PLCE1: variants seen among roughly 807,000 people sequenced by gnomAD.
PLCE1 encodes the protein 1-phosphatidylinositol 4,5-bisphosphate phosphodiesterase epsilon-1.
Under a neutral mutation model 242.8 loss-of-function variants are expected in PLCE1, and 119 were observed. The observed-to-expected ratio is 0.49, with a 90% confidence interval of 0.42 to 0.57. The LOEUF (loss-of-function observed/expected upper bound fraction) is 0.57, where lower values mean the gene tolerates loss of function less well. Ranked by LOEUF, PLCE1 falls within the 20% of genes least tolerant of loss-of-function variation. PLCE1 has a pLI of 0.00. For missense variants in PLCE1, 2,441 were observed against 2,788.8 expected, an observed-to-expected ratio of 0.88 and a Z score of 2.81; for synonymous variants, 945 against 1,017.4, an observed-to-expected ratio of 0.93 and a Z score of 1.35.
chr10:94,314,463 G>A (rs1564888797), intron 28 of PLCE1, among the ~76,000 whole-genome samples: 1 of 152,174 alleles, frequency 6.6e-6, no homozygotes, highest in Middle Eastern at 3.4e-3. Context: ...GTGTGGTGGC[G>A]CACATCTGTA....
At chr10:94,028,266 T>C (rs2061490134) in intron 1 of PLCE1, among the ~76,000 whole-genome samples, 1 of 152,290 alleles carries the variant, frequency 6.6e-6, no homozygotes, top group East Asian at 1.9e-4. Flanking sequence ...AGTCAAGATA[T>C]AGGTTGCAGA....
chr10:94,246,162 C>T lies in PLCE1; in HGVS notation c.2637C>T (p.Arg879=). The T allele has an allele frequency of 1.2e-6, 2 of 1,614,158 alleles. No individual in the cohort carries two copies. Among genetic ancestry groups the T allele is most frequent in the Non-Finnish European group, 1.7e-6 (2 of 1,180,014 alleles). ...HYDQDTHLSA[R]CFLQLQPDNS... ...ACCAGGACACACACCTCTCTGCCCG[C>T]TGCTTCCTCCAGCTTCAGCCCGACA... is the stretch of plus-strand genomic sequence containing the variant. The change falls in exon 8 of 33, where the codon CGC becomes CGT. Residue 879 remains arginine (R), a synonymous_variant. Transcript: ENST00000371380.
chr10:94,204,285 G>A (rs2049073142), intron 4 of PLCE1, among the ~76,000 whole-genome samples: 2 of 152,104 alleles, frequency 1.3e-5, no homozygotes, highest in Admixed American at 6.5e-5. Flanking sequence ...TAAAAGAAGA[G>A]GAAGGAGAGA....
chr10:94,252,610 A>ACCC, intron 9 of PLCE1, 112 bp downstream of exon 9: 2 of 900,408 alleles, frequency 2.2e-6, no homozygotes, highest in South Asian at 2.9e-5. Flanking sequence ...AGTCAGGTAT[A>ACCC]AAATAGAAGA....
Position 94,262,476 on chromosome 10 carries a change from G to A in PLCE1, c.3815-18G>A. On this transcript the variant is annotated intron_variant, in intron 13 of 32. Transcript: ENST00000371380. Reference sequence around the variant, plus strand: ...ATGCTGGCTATCTTGTCCATGTACTGTGGTGATTCTGTTTCAGATCTGTTG... The same window carrying A: ...ATGCTGGCTATCTTGTCCATGTACTATGGTGATTCTGTTTCAGATCTGTTG... 1 of 1,511,956 alleles carries A rather than the reference G, an allele frequency of 6.6e-7. No individual in the cohort carries two copies. The highest frequency in any genetic ancestry group is 9.2e-7 in the Non-Finnish European group (1 of 1,087,156). The allele number at this position is 1,511,956 out of a possible 1,614,324, so 93.7% of individuals were successfully genotyped here.
At chr10:94,264,769 C>G (rs1355201035) in intron 14 of PLCE1, among the ~76,000 whole-genome samples, 1 of 152,016 alleles carries the variant, frequency 6.6e-6, no homozygotes, top group Non-Finnish European at 1.5e-5. Flanking sequence ...ATCCACCCAC[C>G]TCAGCCTCCC....
At chr10:94,232,633 T>A (rs1182414138) in intron 5 of PLCE1, among the ~76,000 whole-genome samples, 1 of 152,166 alleles carries the variant, frequency 6.6e-6, no homozygotes, top group East Asian at 1.9e-4. Context: ...AAATGCAGTG[T>A]ACCCTCTGGT....
chr10:94,284,878 T>A lies in PLCE1; in HGVS notation c.4948T>A (p.Tyr1650Asn). 6.2e-7 allele frequency: 1 copy of A among 1,609,194 alleles called. No individual in the cohort carries two copies. The highest frequency in any genetic ancestry group is 8.5e-7 in the Non-Finnish European group (1 of 1,175,600). The change falls in exon 22 of 33, where the codon TAT (tyrosine) becomes AAT (asparagine). Residue 1650 changes from tyrosine (Y) to asparagine (N), a missense_variant. Physicochemically the swap from Tyr to Asn is moderately radical, Grantham distance 143 (BLOSUM62 -2). This residue lies in a region of PLCE1 where 1,004 missense variants were observed against 1,322.7 expected (regional missense o/e 0.76). Coordinates refer to ENST00000371380, the MANE Select transcript of PLCE1 (RefSeq NM_016341.4). Reference sequence around the variant, plus strand: ...TGATATGGAACTGGGAGAAGAATTTTATCTTGATCAGAATAAAAAGGAAAG... The same window carrying A: ...TGATATGGAACTGGGAGAAGAATTTAATCTTGATCAGAATAAAAAGGAAAG... Reference protein sequence around the residue: ...VYDMELGEEFYLDQNKKESRQ... With the variant: ...VYDMELGEEFNLDQNKKESRQ...
intron 27 of PLCE1, among the ~76,000 whole-genome samples, chr10:94,309,824 CAGG>C (rs1383807952): frequency 1.3e-5 from 2 of 152,056 alleles, no homozygotes; most frequent in African/African-American, 4.8e-5. Context: ...AGCTTGAGTC[CAGG>C]AGTTCAAGAT....
chr10:94,170,826 A>G (rs1474611529), intron 3 of PLCE1, among the ~76,000 whole-genome samples: 5 of 152,150 alleles, frequency 3.3e-5, no homozygotes, highest in African/African-American at 1.2e-4. Context: ...CCCTCATTTC[A>G]TGTCATTCTG....
In PLCE1 at chr10:94,254,195, G is replaced by C; in HGVS notation, c.3285G>C (p.Glu1095Asp). The C allele has an allele frequency of 6.2e-7, 1 of 1,610,470 alleles. No homozygotes were observed. Among genetic ancestry groups the C allele is most frequent in the Non-Finnish European group, 8.5e-7 (1 of 1,176,676 alleles). Residue 1095 changes from glutamate (E) to aspartate (D), a missense_variant, in exon 10 of 33, where the codon GAG becomes GAC. By Grantham distance (45) the Glu-to-Asp change is conservative. Coordinates refer to ENST00000371380, the MANE Select transcript of PLCE1 (RefSeq NM_016341.4). ...KKKKKILMRG[E>D]SGEVTDDEMA... is the part of the protein sequence containing the mutation. ...CGTGAGCTTTGTGTTCCCAGGGTGA[G>C]AGTGGAGAGGTAACTGACGATGAGA...
In PLCE1 at chr10:94,135,430, T is replaced by C. The variant is rs1380920952; in HGVS notation, c.1492+2971T>C. Among the ~76,000 whole-genome samples, 3 of 152,274 alleles carry C rather than the reference T, an allele frequency of 2.0e-5. No homozygotes were observed. The East Asian group carries it at 5.8e-4, about 29-fold the overall frequency. ...CTGTGATGTGGTTGTGAGCTTTTTTTTCTTCTTTAGTATGTGTCCTGTGGC... is the reference window on the plus strand; with the variant it reads ...CTGTGATGTGGTTGTGAGCTTTTTTCTCTTCTTTAGTATGTGTCCTGTGGC... On this transcript the variant is annotated intron_variant, in intron 3 of 32. Coordinates refer to ENST00000371380, the MANE Select transcript of PLCE1 (RefSeq NM_016341.4).
At chr10:94,053,347 T>C (rs1166699613) in intron 2 of PLCE1, among the ~76,000 whole-genome samples, 1 of 152,252 alleles carries the variant, frequency 6.6e-6, no homozygotes, top group African/African-American at 2.4e-5. Context: ...GTCATTATGA[T>C]CTCTGTGACT....
intron 5 of PLCE1, among the ~76,000 whole-genome samples, chr10:94,229,129 C>T (rs190891675): frequency 3.0e-3 from 451 of 150,600 alleles, no homozygotes; most frequent in Non-Finnish European, 5.2e-3. Context: ...TGCAGTGAGC[C>T]GAGATCATGC....
chr10:94,245,857 GA>G, intron 7 of PLCE1, 88 bp from the exon 8 acceptor site: 1 of 1,015,376 alleles, frequency 9.8e-7, no homozygotes, highest in Admixed American at 1.7e-5. Flanking sequence ...ATAGTGCGAT[GA>G]AAAATAAAGC....
At chr10:94,042,647 A>G (rs2134653611) in intron 2 of PLCE1, among the ~76,000 whole-genome samples, 1 of 152,144 alleles carries the variant, frequency 6.6e-6, no homozygotes, top group Admixed American at 6.5e-5. Flanking sequence ...GAAATGGGAG[A>G]TGCAGGGAAC....
Position 94,320,012 on chromosome 10 carries a change from A to C in PLCE1, c.6343-1889A>C, listed in dbSNP as rs545753804. Among the ~76,000 whole-genome samples, 276 of 151,992 alleles carry C rather than the reference A, an allele frequency of 1.8e-3. 1 individual carries two copies. The highest frequency in any genetic ancestry group is 3.4e-3 in the Admixed American group (52 of 15,270). ...AGCCTCCTAAGGGTGCTCTCTTAAAAATAAAGCTTAATGCATCGTTGTTGG... is the reference window on the plus strand; with the variant it reads ...AGCCTCCTAAGGGTGCTCTCTTAAACATAAAGCTTAATGCATCGTTGTTGG... On this transcript the variant is annotated intron_variant, in intron 29 of 32. Transcript: ENST00000371380.
In PLCE1 at chr10:94,028,670, C is replaced by T. The variant is rs146277903; in HGVS notation, c.-364-2013C>T. Among the ~76,000 whole-genome samples the T allele has an allele frequency of 3.2e-3, 494 of 152,144 alleles. 2 individuals are homozygous for T. The highest frequency in any genetic ancestry group is 0.011 in the African/African-American group (471 of 41,492). On this transcript the variant is annotated intron_variant, in intron 1 of 32. Coordinates refer to ENST00000371380, the MANE Select transcript of PLCE1 (RefSeq NM_016341.4). ...CACAAGATAATAATTGCAAAGTGGCCGGGCACAGTGGCTCACACCTGTAAT... is the reference window on the plus strand; with the variant it reads ...CACAAGATAATAATTGCAAAGTGGCTGGGCACAGTGGCTCACACCTGTAAT...
At chr10:94,020,366 G>A (rs2061355280) in intron 1 of PLCE1, among the ~76,000 whole-genome samples, 2 of 152,086 alleles carry the variant, frequency 1.3e-5, no homozygotes, top group Admixed American at 6.5e-5. Flanking sequence ...TTATGATTGA[G>A]CTATAGAGGT....
Sources: allele counts gnomAD v4.1 joint callset (sites outside exome capture counted in the v4.1 genomes callset), GRCh38; gene constraint gnomAD v4.1.1; regional missense constraint gnomAD v4.1.1; transcripts MANE v1.5; gene names NCBI Gene and HGNC (gene_info 2026-07-23, HGNC 2026-07-21).